Variants in TNIP3 observed in about 807,000 individuals in gnomAD.
The protein encoded by TNIP3 is TNFAIP3-interacting protein 3.
In TNIP3, 34 loss-of-function variants were observed where a neutral mutation model predicts 54.1. The ratio of observed to expected loss-of-function variants is 0.63; its 90% CI spans 0.48 to 0.84. The LOEUF (loss-of-function observed/expected upper bound fraction) is 0.84. TNIP3 is among the 40% of genes least tolerant of loss of function. TNIP3 has a pLI of 0.00. For missense variants in TNIP3, 366 were observed against 387.6 expected, an observed-to-expected ratio of 0.94 and a Z score of 0.47; for synonymous variants, 134 against 136.8, an observed-to-expected ratio of 0.98 and a Z score of 0.14.
At chr4:121,141,466 ATTTTTCTTG>A (rs1373808955) in intron 9 of TNIP3, among the ~76,000 whole-genome samples, 3 of 152,084 alleles carry the variant, frequency 2.0e-5, no homozygotes, top group African/African-American at 7.2e-5. Flanking sequence ...AAAGCATCTC[ATTTTTCTTG>A]TTTTGCCATA....
Position 121,157,084 on chromosome 4 carries a change from C to T in TNIP3, c.363+10G>A. On this transcript the variant is annotated intron_variant, in intron 4 of 10. Coordinates refer to ENST00000057513, the MANE Select transcript of TNIP3 (RefSeq NM_024873.6). ...GATCCTCCGGGCTCGAGGACCCGGGCCCCGCCCACCTCCTCCCGCTGCAGC... is the reference window on the plus strand; with the variant it reads ...GATCCTCCGGGCTCGAGGACCCGGGTCCCGCCCACCTCCTCCCGCTGCAGC... 1.9e-6 allele frequency: 3 copies of T among 1,613,716 alleles called. No homozygotes were observed.
At chr4:121,218,059 C>A (rs1726875256), upstream of TNIP3, among the ~76,000 whole-genome samples, 1 of 151,828 alleles carries the variant, frequency 6.6e-6, no homozygotes, top group African/African-American at 2.4e-5. Context: ...TTGTTCATAA[C>A]TGAAAATTAT....
intron 4 of TNIP3, 134 bp from the exon 5 acceptor site, chr4:121,154,813 C>T: frequency 1.4e-6 from 1 of 738,010 alleles, no homozygotes. Context: ...AAAACAGGAC[C>T]TGCAAGACTT....
chr4:121,172,215 T>A (rs892750512), intron 3 of TNIP3, among the ~76,000 whole-genome samples: 1 of 152,168 alleles, frequency 6.6e-6, no homozygotes, highest in African/African-American at 2.4e-5. Flanking sequence ...TTATGACTTG[T>A]CTAAGTAGAG....
At chr4:121,142,799 T>C in intron 7 of TNIP3, 23 bp from the exon 8 acceptor site, 1 of 1,603,432 alleles carries the variant, frequency 6.2e-7, no homozygotes. Context: ...CAAAGGCATT[T>C]GTTAATCAAG....
At chr4:121,210,615 G>A (rs1207373725) in intron 2 of TNIP3, among the ~76,000 whole-genome samples, 2 of 152,210 alleles carry the variant, frequency 1.3e-5, no homozygotes. Context: ...TGGGAAGTTT[G>A]TGAGCAAGGT....
rs776383356 is a variant in TNIP3 at position 121,148,340 on chromosome 4, G to T, written c.610-1166C>A. Among the ~76,000 whole-genome samples the T allele has an allele frequency of 2.0e-5, 3 of 152,176 alleles. No individual in the cohort carries two copies. The South Asian group carries it at 6.2e-4, about 32-fold the overall frequency. On this transcript the variant is annotated intron_variant, in intron 6 of 10. Transcript: ENST00000057513. ...AGCAGTAGAGGCACTGCAAAACTACGGAGATGGATTTTGGTCTTCCCACAG... is the reference window on the plus strand; with the variant it reads ...AGCAGTAGAGGCACTGCAAAACTACTGAGATGGATTTTGGTCTTCCCACAG...
At chr4:121,157,374 TC>T in intron 3 of TNIP3, 131 bp from the exon 4 acceptor site, 1 of 1,115,672 alleles carries the variant, frequency 9.0e-7, no homozygotes, top group South Asian at 1.4e-5. Context: ...AGGTTCTAGC[TC>T]CCACCGTCCC....
At chr4:121,202,361 A>G (rs557559028) in intron 2 of TNIP3, among the ~76,000 whole-genome samples, 3 of 152,328 alleles carry the variant, frequency 2.0e-5, no homozygotes, top group Admixed American at 6.5e-5. Flanking sequence ...GGCTAGCCAC[A>G]TGTAGAAGAA....
intron 2 of TNIP3, among the ~76,000 whole-genome samples, chr4:121,201,038 T>C (rs908508224): frequency 1.3e-5 from 2 of 152,114 alleles, no homozygotes; most frequent in Admixed American, 6.6e-5. Context: ...GAGTAGGAGT[T>C]GAAGGTCAAG....
intron 1 of TNIP3, among the ~76,000 whole-genome samples, chr4:121,163,474 A>G (rs575639623): frequency 1.3e-5 from 2 of 152,324 alleles, no homozygotes; most frequent in Admixed American, 1.3e-4. Context: ...TTCCCTATAA[A>G]GTAGAATTTC....
chr4:121,214,961 T>C (rs1180196313), intron 2 of TNIP3, among the ~76,000 whole-genome samples: 3 of 152,220 alleles, frequency 2.0e-5, no homozygotes, highest in African/African-American at 4.8e-5. Flanking sequence ...AACACAGTTC[T>C]AGAATAATAA....
intron 2 of TNIP3, among the ~76,000 whole-genome samples, chr4:121,195,767 T>C (rs1725540919): frequency 6.6e-6 from 1 of 152,192 alleles, no homozygotes; most frequent in Non-Finnish European, 1.5e-5. Flanking sequence ...TTGGCAGCAA[T>C]GGCAAGCCTG....
intron 7 of TNIP3, among the ~76,000 whole-genome samples, chr4:121,143,043 A>C (rs1381667694): frequency 1.3e-5 from 2 of 152,238 alleles, no homozygotes; most frequent in African/African-American, 4.8e-5. Flanking sequence ...TATAGAAACA[A>C]TTTCCATTGC....
chr4:121,132,213 AACACACACACAC>A lies in TNIP3; in HGVS notation c.*406_*417del, dbSNP rs10561132. 0.012 allele frequency: 1,812 copies of A among 147,036 alleles called. 37 individuals carry two copies. The highest frequency in any genetic ancestry group is 0.042 in the African/African-American group (1,667 of 39,682). The allele number at this position is 147,036 out of a possible 1,614,324, so 9.1% of individuals were successfully genotyped here. A position where few individuals can be genotyped will look rare whatever the true frequency, so the allele number is the denominator to read the frequency against. On this transcript the variant is annotated 3_prime_UTR_variant, in exon 11 of 11. Coordinates refer to ENST00000057513, the MANE Select transcript of TNIP3 (RefSeq NM_024873.6). ...AACTGCAGAAATTTTTACCCCAGGA[AACACACACACAC>A]ACACACACACACACACACACACACA...
upstream of TNIP3, among the ~76,000 whole-genome samples, chr4:121,217,854 G>T (rs1048304809): frequency 6.6e-6 from 1 of 152,164 alleles, no homozygotes; most frequent in East Asian, 1.9e-4. Context: ...AAGCATATGC[G>T]AAATTACACA....
chr4:121,150,407 T>C (rs985526918), intron 5 of TNIP3, among the ~76,000 whole-genome samples, 188 bp from the exon 6 acceptor site: 1 of 152,178 alleles, frequency 6.6e-6, no homozygotes, highest in African/African-American at 2.4e-5. Context: ...AGAATCTCTG[T>C]CTTTTTTCCA....
chr4:121,163,101 C>T (rs1333012704), intron 1 of TNIP3, among the ~76,000 whole-genome samples: 1 of 152,014 alleles, frequency 6.6e-6, no homozygotes, highest in Non-Finnish European at 1.5e-5. Flanking sequence ...TTTGTAACTG[C>T]ACGAGTACTA....
chr4:121,183,061 C>T (rs576522786), intron 2 of TNIP3, among the ~76,000 whole-genome samples: 10 of 152,282 alleles, frequency 6.6e-5, no homozygotes, highest in Middle Eastern at 3.4e-3. Flanking sequence ...AGAATTGAAT[C>T]GAACACTCAC....
Sources: gnomAD v4.1 joint callset for allele counts (sites outside exome capture counted in the v4.1 genomes callset) on GRCh38, gnomAD v4.1.1 for gene constraint, MANE v1.5 for transcripts, NCBI Gene and HGNC (gene_info 2026-07-23, HGNC 2026-07-21) for gene names.